Variants in METTL24 observed in about 807,000 individuals in gnomAD.
METTL24 encodes methyltransferase like 24.
In METTL24, 29 loss-of-function variants were observed where a neutral mutation model predicts 32.7. The ratio of observed to expected loss-of-function variants is 0.89; its 90% CI spans 0.66 to 1.21. The LOEUF (loss-of-function observed/expected upper bound fraction) is 1.21, where lower values mean the gene tolerates loss of function less well. Among genes scored for constraint, METTL24 ranks in the 50% most tolerant of loss-of-function variants. The pLI, the probability that METTL24 is intolerant of heterozygous loss-of-function variation, is 0.00. For missense variants in METTL24, 439 were observed against 468.1 expected (o/e 0.94, Z 0.57); for synonymous variants, 163 against 179.5 (o/e 0.91, Z 0.73).
intron 2 of METTL24, among the ~76,000 whole-genome samples, chr6:110,316,350 C>T (rs754433966): frequency 5.3e-5 from 8 of 152,196 alleles, no homozygotes; most frequent in South Asian, 2.1e-4. Flanking sequence ...TAGTACATTT[C>T]GCACAGCTGA....
At chr6:110,337,195 C>T (rs1463180593) in intron 1 of METTL24, among the ~76,000 whole-genome samples, 1 of 152,234 alleles carries the variant, frequency 6.6e-6, no homozygotes, top group Non-Finnish European at 1.5e-5. Context: ...ACTGCATGTT[C>T]TCACTTAGAA....
chr6:110,341,013 CT>C lies in METTL24; in HGVS notation c.318+16941del, dbSNP rs139881889. Among the ~76,000 whole-genome samples, 909 of 149,066 alleles carry C rather than the reference CT, an allele frequency of 6.1e-3. 11 individuals carry two copies. The highest frequency in any genetic ancestry group is 0.014 in the African/African-American group (579 of 40,670). ...TTCCTGTATGGTTTTATTATTAAAA[CT>C]TTTTTTTTTTCCAAAAAAATGAAGG... On this transcript the variant is annotated intron_variant, in intron 1 of 4. Coordinates refer to ENST00000338882, the MANE Select transcript of METTL24 (RefSeq NM_001123364.3).
chr6:110,298,832 A>G (rs970848056), intron 4 of METTL24, 90 bp downstream of exon 4: 7 of 1,090,090 alleles, frequency 6.4e-6, no homozygotes, highest in East Asian at 2.5e-5. Context: ...CAGCTATCCA[A>G]TGTCAATGTT....
intron 4 of METTL24, among the ~76,000 whole-genome samples, chr6:110,281,332 C>T (rs1232166004): frequency 1.3e-5 from 2 of 152,194 alleles, no homozygotes; most frequent in South Asian, 4.2e-4. Context: ...TGAATTGAGA[C>T]CTTGCACATC....
chr6:110,293,623 G>T (rs1285049149), intron 4 of METTL24, among the ~76,000 whole-genome samples: 1 of 151,602 alleles, frequency 6.6e-6, no homozygotes, highest in Non-Finnish European at 1.5e-5. Context: ...GTTATCTTAA[G>T]AACTATATTA....
In METTL24 at chr6:110,279,273, G is replaced by T. The variant is rs149989173; in HGVS notation, c.786+19649C>A. ...AGTGTTTGGTATAAATAGATACATG[G>T]TGTATTATACAGACAGATAAATAGT... On this transcript the variant is annotated intron_variant, in intron 4 of 4. Coordinates refer to ENST00000338882, the MANE Select transcript of METTL24 (RefSeq NM_001123364.3). Among the ~76,000 whole-genome samples the T allele has an allele frequency of 1.2e-4, 18 of 152,238 alleles. No homozygotes were observed. The East Asian group carries it at 3.5e-3, about 29-fold the overall frequency.
rs374158134 is a variant in METTL24 at position 110,246,297 on chromosome 6, G to A, written c.787-37C>T. The A allele has an allele frequency of 5.9e-6, 9 of 1,524,116 alleles. No homozygotes were observed. The African/African-American group carries it at 1.1e-4, about 19-fold the overall frequency. The allele number at this position is 1,524,116 out of a possible 1,614,324, so 94.4% of individuals were successfully genotyped here. On this transcript the variant is annotated intron_variant, in intron 4 of 4. Transcript: ENST00000338882. Reference sequence around the variant, plus strand: ...CAATGAAATGAGATTAGCAGATTTAGTAAAACTATCTTGATATCAGGAGTT... The same window carrying A: ...CAATGAAATGAGATTAGCAGATTTAATAAAACTATCTTGATATCAGGAGTT...
intron 4 of METTL24, among the ~76,000 whole-genome samples, chr6:110,297,338 C>T (rs571201655): frequency 5.1e-4 from 78 of 152,236 alleles, no homozygotes; most frequent in African/African-American, 1.7e-3. Flanking sequence ...AAATTATATC[C>T]GCAGATCACT....
rs1778150242 is a variant in METTL24, at chr6:110,245,990, T to C, written c.1057A>G (p.Ser353Gly). 6.2e-7 allele frequency: 1 copy of C among 1,614,178 alleles called. No individual in the cohort carries two copies. Among genetic ancestry groups the C allele is most frequent in the Non-Finnish European group, 8.5e-7 (1 of 1,180,006 alleles). Residue 353 changes from serine (S) to glycine (G), a missense_variant, in exon 5 of 5, where the codon AGT (serine) becomes GGT (glycine). Transcript: ENST00000338882. Reference sequence around the variant, plus strand: ...ACCCAACTCAGAGTATAACAGCTACTTGCATTGAAAATGTCTTTCTTCAAG... The same window carrying C: ...ACCCAACTCAGAGTATAACAGCTACCTGCATTGAAAATGTCTTTCTTCAAG... ...LFLKKDIFNA[S>G]SCYTLSWVNT...
intron 4 of METTL24, among the ~76,000 whole-genome samples, chr6:110,275,917 A>G (rs7756509): frequency 0.091 from 13,869 of 152,280 alleles, 1,171 homozygotes; most frequent in African/African-American, 0.23. Flanking sequence ...CAAAATGGCA[A>G]AGAAGGCAAA....
At chr6:110,295,490 C>T (rs1233370559) in intron 4 of METTL24, among the ~76,000 whole-genome samples, 5 of 152,194 alleles carry the variant, frequency 3.3e-5, no homozygotes, top group East Asian at 3.8e-4. Context: ...TCCCCCAGGG[C>T]GTCTGACCAG....
chr6:110,284,038 G>A (rs1771180118), intron 4 of METTL24, among the ~76,000 whole-genome samples: 1 of 152,182 alleles, frequency 6.6e-6, no homozygotes. Flanking sequence ...CCTTAAAAAG[G>A]AAGGCAGTTC....
intron 4 of METTL24, among the ~76,000 whole-genome samples, chr6:110,276,536 G>C (rs1771050739): frequency 6.6e-6 from 1 of 152,184 alleles, no homozygotes. Flanking sequence ...CTTTTTCAAA[G>C]ATTAGCTCAA....
intron 3 of METTL24, among the ~76,000 whole-genome samples, chr6:110,311,468 G>GTTTTTTTTTT (rs1051868507): frequency 9.4e-5 from 9 of 96,142 alleles, no homozygotes; most frequent in African/African-American, 2.1e-4. Flanking sequence ...TTCTTTCTTT[G>GTTTTTTTTTT]TTTTTTTTTT....
intron 2 of METTL24, among the ~76,000 whole-genome samples, chr6:110,316,772 T>A (rs957484314): frequency 2.6e-5 from 4 of 152,150 alleles, no homozygotes; most frequent in Non-Finnish European, 5.9e-5. Flanking sequence ...GGCATGTGCC[T>A]GTAGTCCCAG....
intron 4 of METTL24, among the ~76,000 whole-genome samples, chr6:110,287,552 G>T (rs1168033349): frequency 6.6e-6 from 1 of 152,132 alleles, no homozygotes; most frequent in African/African-American, 2.4e-5. Context: ...AGAATCACCT[G>T]GACTTCCACC....
chr6:110,338,314 T>A (rs1463228150), intron 1 of METTL24, among the ~76,000 whole-genome samples: 1 of 152,128 alleles, frequency 6.6e-6, no homozygotes, highest in Non-Finnish European at 1.5e-5. Flanking sequence ...CTGGCCAACA[T>A]GGGCAAAACC....
chr6:110,246,697 AC>A (rs1188239811), intron 4 of METTL24, among the ~76,000 whole-genome samples: 1 of 152,084 alleles, frequency 6.6e-6, no homozygotes, highest in Non-Finnish European at 1.5e-5. Context: ...TGTATCACAG[AC>A]CTCTGTGTAC....
intron 4 of METTL24, among the ~76,000 whole-genome samples, chr6:110,251,119 G>A (rs1010692907): frequency 6.6e-6 from 1 of 152,166 alleles, no homozygotes; most frequent in African/African-American, 2.4e-5. Flanking sequence ...CAAGTCTAGC[G>A]CGCATTCAAG....
Sources: gnomAD v4.1 joint callset for allele counts (sites outside exome capture counted in the v4.1 genomes callset) on GRCh38, gnomAD v4.1.1 for gene constraint, MANE v1.5 for transcripts, NCBI Gene and HGNC (gene_info 2026-07-23, HGNC 2026-07-21) for gene names.